HTR2A: variants seen among roughly 807,000 people sequenced by gnomAD.
HTR2A encodes 5-HT2 receptor.
HTR2A carries 14 observed loss-of-function variants against 31.0 expected under a neutral mutation model. The ratio of observed to expected loss-of-function variants is 0.45; its 90% confidence interval spans 0.30 to 0.71. HTR2A has a LOEUF of 0.71. Ranked by LOEUF, HTR2A falls within the 30% of genes least tolerant of loss-of-function variation. The probability of loss-of-function intolerance (pLI) is 0.09; values close to 1 mark genes in which losing one functional copy is unlikely to be tolerated. For missense variants in HTR2A, 442 were observed against 573.3 expected, an observed-to-expected ratio of 0.77 and a Z score of 2.34; for synonymous variants, 209 against 225.2, an observed-to-expected ratio of 0.93 and a Z score of 0.64.
intron 3 of HTR2A, among the ~76,000 whole-genome samples, chr13:46,876,662 C>G (rs1373482319): frequency 6.6e-6 from 1 of 151,796 alleles, no homozygotes; most frequent in Non-Finnish European, 1.5e-5. Flanking sequence ...GTGATCCATC[C>G]GCCTCGGCCT....
At chr13:46,836,946 G>A (rs1213323624) in intron 3 of HTR2A, among the ~76,000 whole-genome samples, 2 of 152,028 alleles carry the variant, frequency 1.3e-5, no homozygotes, top group East Asian at 3.9e-4. Context: ...CATTCATAAG[G>A]ATGGATTGCA....
intron 3 of HTR2A, among the ~76,000 whole-genome samples, chr13:46,849,939 A>C (rs911102813): frequency 3.3e-5 from 5 of 152,246 alleles, no homozygotes; most frequent in African/African-American, 1.2e-4. Flanking sequence ...GGAATAAATG[A>C]AGAAGCAAAT....
intron 3 of HTR2A, among the ~76,000 whole-genome samples, chr13:46,868,750 T>C (rs1950839821): frequency 6.6e-6 from 1 of 152,186 alleles, no homozygotes; most frequent in Non-Finnish European, 1.5e-5. Flanking sequence ...ATGTGCTCTA[T>C]AAACTATATT....
chr13:46,837,556 G>A (rs77822905), intron 3 of HTR2A, among the ~76,000 whole-genome samples: 2,628 of 152,232 alleles, frequency 0.017, 64 homozygotes, highest in African/African-American at 0.055. Context: ...GCTTCTGACC[G>A]TCTTTAGAGT....
At chr13:46,839,885 G>A (rs532047242) in intron 3 of HTR2A, among the ~76,000 whole-genome samples, 51 of 152,218 alleles carry the variant, frequency 3.4e-4, no homozygotes, top group African/African-American at 1.1e-3. Context: ...ACTTTGAACC[G>A]CTGGCTGTGA....
chr13:46,870,090 T>C (rs1319506713), intron 3 of HTR2A, among the ~76,000 whole-genome samples: 1 of 152,166 alleles, frequency 6.6e-6, no homozygotes, highest in Non-Finnish European at 1.5e-5. Context: ...TACATGCCTT[T>C]GTGACTTTTA....
chr13:46,873,692 C>T (rs979765969), intron 3 of HTR2A, among the ~76,000 whole-genome samples: 10 of 151,806 alleles, frequency 6.6e-5, no homozygotes, highest in Non-Finnish European at 1.2e-4. Flanking sequence ...TGAGAATATG[C>T]GGTGTTTGGT....
intron 3 of HTR2A, chr13:46,856,393 T>C (rs936067253): frequency 1.2e-4 from 18 of 152,216 alleles, no homozygotes; most frequent in Non-Finnish European, 1.2e-4. Context: ...TGTTTCTTCA[T>C]ACACTGCAAG....
intron 3 of HTR2A, among the ~76,000 whole-genome samples, chr13:46,875,888 T>A (rs1426529580): frequency 6.6e-6 from 1 of 152,214 alleles, no homozygotes; most frequent in Non-Finnish European, 1.5e-5. Flanking sequence ...TAGTAATATA[T>A]GTTATAACAG....
At chr13:46,851,052 T>G (rs187150049) in intron 3 of HTR2A, among the ~76,000 whole-genome samples, 1 of 152,322 alleles carries the variant, frequency 6.6e-6, no homozygotes, top group East Asian at 1.9e-4. Flanking sequence ...TTCATGTTCA[T>G]GTGACTACGT....
intron 3 of HTR2A, among the ~76,000 whole-genome samples, chr13:46,883,230 T>C (rs1486367916): frequency 6.6e-6 from 1 of 151,636 alleles, no homozygotes; most frequent in Non-Finnish European, 1.5e-5. Context: ...AGGCAGCTAT[T>C]TGAGCTGCAT....
At chr13:46,887,422 C>CAAAAA (rs60134726) in intron 3 of HTR2A, among the ~76,000 whole-genome samples, 3,286 of 100,370 alleles carry the variant, frequency 0.033, 134 homozygotes, top group African/African-American at 0.084. Flanking sequence ...GACTCTGTCT[C>CAAAAA]AAAAAAAAAA....
chr13:46,852,888 C>T (rs1950698902), intron 3 of HTR2A, among the ~76,000 whole-genome samples: 1 of 151,680 alleles, frequency 6.6e-6, no homozygotes, highest in African/African-American at 2.4e-5. Context: ...CTACAGTTAA[C>T]AAAGGTAAGT....
intron 3 of HTR2A, among the ~76,000 whole-genome samples, chr13:46,873,427 T>TTA (rs1555299084): frequency 6.9e-6 from 1 of 144,820 alleles, no homozygotes; most frequent in South Asian, 2.2e-4. Context: ...TAATATAAAA[T>TTA]TTATTATTAT....
intron 3 of HTR2A, among the ~76,000 whole-genome samples, chr13:46,855,302 C>T (rs978601309): frequency 6.6e-6 from 1 of 152,204 alleles, no homozygotes; most frequent in Non-Finnish European, 1.5e-5. Flanking sequence ...TGCTCAAACT[C>T]AAGGGAACTC....
intron 3 of HTR2A, among the ~76,000 whole-genome samples, chr13:46,886,564 C>G (rs972368923): frequency 2.6e-5 from 4 of 151,908 alleles, no homozygotes; most frequent in Non-Finnish European, 5.9e-5. Context: ...GAGAAAATAG[C>G]CTGGGGAGAG....
intron 3 of HTR2A, among the ~76,000 whole-genome samples, chr13:46,879,357 G>A (rs941453209): frequency 5.3e-5 from 8 of 152,148 alleles, no homozygotes; most frequent in Non-Finnish European, 8.8e-5. Context: ...ATAGTCTTTC[G>A]GATTCAACTG....
At chr13:46,896,588 T>A (rs1401227162) in intron 1 of HTR2A, 86 bp downstream of exon 1, 2 of 1,032,676 alleles carry the variant, frequency 1.9e-6, no homozygotes, top group Admixed American at 6.7e-5. Flanking sequence ...GAAATTCTCA[T>A]TGAAATGATT....
At chr13:46,851,060 C>T (rs1247622583) in intron 3 of HTR2A, among the ~76,000 whole-genome samples, 5 of 152,074 alleles carry the variant, frequency 3.3e-5, no homozygotes, top group African/African-American at 1.2e-4. Context: ...CATGTGACTA[C>T]GTACATTTTT....
Sources: allele counts gnomAD v4.1 joint callset (sites outside exome capture counted in the v4.1 genomes callset), GRCh38; gene constraint gnomAD v4.1.1; transcripts MANE v1.5; gene names NCBI Gene and HGNC (gene_info 2026-07-23, HGNC 2026-07-21).